The following ACOT7 variants were observed in gnomAD, a reference collection of about 807,000 sequenced individuals.
ACOT7 encodes acyl-CoA thioesterase 7.
In ACOT7, 12 loss-of-function variants were observed where a neutral mutation model predicts 40.2. The observed-to-expected ratio is 0.30, with a 90% CI of 0.19 to 0.48. The LOEUF is 0.48. ACOT7 is among the 20% of genes least tolerant of loss of function. ACOT7 has a pLI of 0.99. For missense variants in ACOT7, 395 were observed against 530.8 expected (o/e 0.74, Z 2.51); for synonymous variants, 228 against 219.5 (o/e 1.04, Z -0.34).
rs368769818 is a variant in ACOT7 at position 6,281,305 on chromosome 1, G to A, written c.830-19C>T. Reference sequence around the variant, plus strand: ...ACGCAGCCTGTGGAGAAGGGAGGGCGGGGGTCAGGGCGGCCTCCACCCCAC... The same window carrying A: ...ACGCAGCCTGTGGAGAAGGGAGGGCAGGGGTCAGGGCGGCCTCCACCCCAC... On this transcript the variant is annotated intron_variant, in intron 7 of 8. Transcript: ENST00000361521. 28 of 1,595,218 alleles carry A rather than the reference G, an allele frequency of 1.8e-5. No homozygotes were observed. The highest frequency in any genetic ancestry group is 3.1e-5 in the African/African-American group (2 of 64,312).
At chr1:6,385,769 C>A in intron 1 of ACOT7, 4 of 1,472,214 alleles carry the variant, frequency 2.7e-6, no homozygotes, top group Non-Finnish European at 3.6e-6. Flanking sequence ...CCGGTGTGAT[C>A]CCTCCCTGAT....
intron 5 of ACOT7, among the ~76,000 whole-genome samples, chr1:6,324,167 C>T (rs1463804624): frequency 2.0e-5 from 3 of 151,944 alleles, no homozygotes; most frequent in Admixed American, 6.6e-5. Context: ...CCTGGGCTCC[C>T]GAGGGTACCG....
At chr1:6,292,131 A>T (rs1335516179) in intron 7 of ACOT7, among the ~76,000 whole-genome samples, 1 of 152,252 alleles carries the variant, frequency 6.6e-6, no homozygotes, top group East Asian at 1.9e-4. Flanking sequence ...ATACTGGCAT[A>T]GAAACAGGCC....
intron 2 of ACOT7, among the ~76,000 whole-genome samples, chr1:6,344,763 C>CAAAA (rs58594477): frequency 3.0e-4 from 17 of 56,034 alleles, no homozygotes; most frequent in Non-Finnish European, 6.4e-4. Context: ...GACTCTGTCT[C>CAAAA]AAAAAAAAAA....
At position 6,383,116 on chromosome 1, in the gene ACOT7, T is replaced by G. The variant is rs1249866361; in HGVS notation, c.143+10141A>C. Among the ~76,000 whole-genome samples the G allele has an allele frequency of 2.6e-5, 4 of 151,032 alleles. No individual in the cohort carries two copies. The East Asian group carries it at 7.8e-4, about 30-fold the overall frequency. On this transcript the variant is annotated intron_variant, in intron 1 of 8. Coordinates refer to ENST00000361521, the MANE Select transcript of ACOT7 (RefSeq NM_007274.4). Reference sequence around the variant, plus strand: ...CTGGTCTCCAACTCCTGACCTCAGGTGATCCACCCAGCTTGGCCTCCCAAA... The same window carrying G: ...CTGGTCTCCAACTCCTGACCTCAGGGGATCCACCCAGCTTGGCCTCCCAAA...
intron 1 of ACOT7, among the ~76,000 whole-genome samples, chr1:6,376,543 A>G (rs1419144067): frequency 1.3e-5 from 2 of 152,072 alleles, no homozygotes; most frequent in Non-Finnish European, 2.9e-5. Context: ...CCTAGCCAAC[A>G]TGGCAAAATC....
intron 7 of ACOT7, among the ~76,000 whole-genome samples, chr1:6,281,711 T>C (rs1200615544): frequency 1.3e-5 from 2 of 152,204 alleles, no homozygotes; most frequent in Non-Finnish European, 2.9e-5. Context: ...TGTCCATTCA[T>C]TGGCCTTGCT....
chr1:6,391,395 A>G (rs1642530180), intron 1 of ACOT7, among the ~76,000 whole-genome samples: 2 of 152,100 alleles, frequency 1.3e-5, no homozygotes, highest in Admixed American at 1.3e-4. Context: ...AGTCCCAGCT[A>G]CTCGGGAGGC....
In ACOT7 at chr1:6,379,338, G is replaced by A. The variant is rs116008323; in HGVS notation, c.143+13919C>T. ...GCAAGTAGCTCCACCTCTAATGCCT[G>A]CTCCCCAGCCTATAAAGAGGTGTGT... is the stretch of plus-strand genomic sequence containing the variant. On this transcript the variant is annotated intron_variant, in intron 1 of 8. Coordinates refer to ENST00000361521, the MANE Select transcript of ACOT7 (RefSeq NM_007274.4). Among the ~76,000 whole-genome samples the A allele has an allele frequency of 1.7e-3, 262 of 152,022 alleles. 1 individual carries two copies. Among genetic ancestry groups the A allele is most frequent in the African/African-American group, 5.9e-3 (246 of 41,544 alleles).
At chr1:6,308,532 A>G (rs1461326397) in intron 6 of ACOT7, among the ~76,000 whole-genome samples, 4 of 151,806 alleles carry the variant, frequency 2.6e-5, no homozygotes, top group African/African-American at 7.3e-5. Flanking sequence ...GGGAACCACA[A>G]CAGGCAGAAG....
chr1:6,329,200 G>C (rs1640888531), intron 4 of ACOT7, among the ~76,000 whole-genome samples: 1 of 152,250 alleles, frequency 6.6e-6, no homozygotes, highest in Non-Finnish European at 1.5e-5. Flanking sequence ...AAATTGTGCA[G>C]GGTCTCAGCA....
At chr1:6,315,078 C>A (rs561165983) in intron 6 of ACOT7, among the ~76,000 whole-genome samples, 4 of 152,304 alleles carry the variant, frequency 2.6e-5, no homozygotes, top group African/African-American at 9.6e-5. Context: ...GGGAGCACTG[C>A]GTTCTCCCTG....
At chr1:6,360,715 G>A in intron 1 of ACOT7, 1 of 1,612,888 alleles carries the variant, frequency 6.2e-7, no homozygotes, top group Non-Finnish European at 8.5e-7. Context: ...CTCAAGGAAT[G>A]AGCCTGGGCC....
At chr1:6,363,089 T>C (rs1641925331) in intron 1 of ACOT7, among the ~76,000 whole-genome samples, 1 of 152,218 alleles carries the variant, frequency 6.6e-6, no homozygotes, top group African/African-American at 2.4e-5. Flanking sequence ...TTACTCTTTA[T>C]TCCAATATTA....
chr1:6,381,155 C>A (rs1642326049), intron 1 of ACOT7, among the ~76,000 whole-genome samples: 1 of 151,660 alleles, frequency 6.6e-6, no homozygotes, highest in Admixed American at 6.6e-5. Context: ...TTCTCAAACA[C>A]CAAAAGCTAT....
intron 1 of ACOT7, among the ~76,000 whole-genome samples, chr1:6,379,559 G>C (rs928759767): frequency 1.3e-5 from 2 of 151,502 alleles, no homozygotes; most frequent in Non-Finnish European, 3.0e-5. Flanking sequence ...GACTTCCCAG[G>C]CTCAAGCAAT....
chr1:6,279,057 C>T (rs1476249700), intron 8 of ACOT7, among the ~76,000 whole-genome samples: 2 of 152,152 alleles, frequency 1.3e-5, no homozygotes, highest in Non-Finnish European at 2.9e-5. Flanking sequence ...ATGGGAGGGG[C>T]GTCGGGTCCA....
chr1:6,301,555 G>A lies in ACOT7; in HGVS notation c.713-6575C>T, dbSNP rs949369574. Among the ~76,000 whole-genome samples, 12 of 152,198 alleles carry A rather than the reference G, an allele frequency of 7.9e-5. No homozygotes were observed. Among genetic ancestry groups the A allele is most frequent in the African/African-American group, 1.9e-4 (8 of 41,444 alleles). ...CCTGCACTGGGTGAGGACCTGCCTC[G>A]TTGTCCCTGTGTCCCTGACCCAACA... On this transcript the variant is annotated intron_variant, in intron 6 of 8. Transcript: ENST00000361521. The surrounding 1 kb of genome is among the most constrained non-coding windows in gnomAD (Gnocchi z 4.1).
At chr1:6,360,799 G>T in intron 1 of ACOT7, 1 of 1,471,284 alleles carries the variant, frequency 6.8e-7, no homozygotes. Context: ...AACCCTTCCA[G>T]CTGGTCCCAG....
Sources: gnomAD v4.1 joint callset for allele counts (sites outside exome capture counted in the v4.1 genomes callset) on GRCh38, gnomAD v4.1.1 for gene constraint, Gnocchi (gnomAD v3.1) non-coding constraint, MANE v1.5 for transcripts, NCBI Gene and HGNC (gene_info 2026-07-23, HGNC 2026-07-21) for gene names.